SHOC1: variants seen among roughly 807,000 people sequenced by gnomAD.
The protein encoded by SHOC1 is shortage in chiasmata 1.
In SHOC1, 136 loss-of-function variants were observed where a neutral mutation model predicts 179.2. The ratio of observed to expected loss-of-function variants is 0.76; its 90% CI spans 0.66 to 0.87. SHOC1 has a LOEUF of 0.87. SHOC1 is among the 40% of genes least tolerant of loss of function. The pLI, the probability that SHOC1 is intolerant of heterozygous loss-of-function variation, is 0.00. For missense variants in SHOC1, 1,538 were observed against 1,700.8 expected (o/e 0.90, Z 1.68); for synonymous variants, 489 against 586.6 (o/e 0.83, Z 2.41).
At chr9:111,778,942 T>C (rs1447276312) in intron 4 of SHOC1, among the ~76,000 whole-genome samples, 1 of 151,454 alleles carries the variant, frequency 6.6e-6, no homozygotes, top group Admixed American at 6.6e-5. Flanking sequence ...CTACTAAAAA[T>C]ACAAAAATTA....
At chr9:111,757,850 T>C (rs759375018) in intron 7 of SHOC1, among the ~76,000 whole-genome samples, 125 of 152,240 alleles carry the variant, frequency 8.2e-4, no homozygotes, top group Non-Finnish European at 1.4e-3. Context: ...GACCAATTTA[T>C]CAGAATATAT....
At chr9:111,768,879 A>G (rs964530007) in intron 5 of SHOC1, among the ~76,000 whole-genome samples, 3 of 122,204 alleles carry the variant, frequency 2.5e-5, no homozygotes, top group African/African-American at 5.1e-5. Flanking sequence ...CCCATTCAGT[A>G]TGAAGTTAAC....
chr9:111,721,551 G>T (rs1228484833), intron 15 of SHOC1, among the ~76,000 whole-genome samples: 3 of 152,122 alleles, frequency 2.0e-5, no homozygotes, highest in Non-Finnish European at 2.9e-5. Context: ...TGTTGGCTAG[G>T]CTGGTCTCGA....
chr9:111,776,843 C>T (rs1003852250), intron 4 of SHOC1, among the ~76,000 whole-genome samples: 4 of 152,180 alleles, frequency 2.6e-5, no homozygotes, highest in Non-Finnish European at 5.9e-5. Flanking sequence ...AACCGCCCAA[C>T]GGGTTCACCT....
At chr9:111,785,483 T>C (rs1377958731) in intron 3 of SHOC1, among the ~76,000 whole-genome samples, 2 of 152,198 alleles carry the variant, frequency 1.3e-5, no homozygotes, top group South Asian at 2.1e-4. Context: ...GTTAACCGAC[T>C]TGACTCCTCC....
At chr9:111,687,234 C>T (rs1262361069) in intron 27 of SHOC1, among the ~76,000 whole-genome samples, 1 of 152,178 alleles carries the variant, frequency 6.6e-6, no homozygotes, top group Admixed American at 6.6e-5. Flanking sequence ...AGGCATGAGC[C>T]ACCATGCCCG....
chr9:111,721,442 C>T (rs1589406368), intron 15 of SHOC1, among the ~76,000 whole-genome samples: 1 of 152,158 alleles, frequency 6.6e-6, no homozygotes, highest in East Asian at 1.9e-4. Flanking sequence ...CAGGTTCAAG[C>T]GATTCTCCTG....
Position 111,692,411 on chromosome 9 carries a change from G to A in SHOC1, c.3566C>T (p.Thr1189Ile). The change falls in exon 27 of 28, where the codon ACC becomes ATC. Residue 1189 changes from threonine (T) to isoleucine (I), a missense_variant. Coordinates refer to ENST00000682961, the MANE Select transcript of SHOC1 (RefSeq NM_001378211.1). The stretch of plus-strand genomic sequence containing the variant: ...AGAAGCTGAACTTTGAGAAGACAAG[G>A]TACTAATCTGATTCCTATTTTCCTG... ...SPQENRNQIS[T>I]LSSQSSASDL... The A allele has an allele frequency of 6.2e-7, 1 of 1,613,274 alleles. No individual in the cohort carries two copies. The highest frequency in any genetic ancestry group is 8.5e-7 in the Non-Finnish European group (1 of 1,179,704).
chr9:111,761,835 T>C (rs1361733075), intron 5 of SHOC1, among the ~76,000 whole-genome samples: 1 of 152,156 alleles, frequency 6.6e-6, no homozygotes, highest in Non-Finnish European at 1.5e-5. Flanking sequence ...ATTTTAAAGA[T>C]GTAAGTAAAA....
chr9:111,757,353 C>T (rs1240590166), intron 7 of SHOC1, among the ~76,000 whole-genome samples: 3 of 152,144 alleles, frequency 2.0e-5, no homozygotes, highest in African/African-American at 7.2e-5. Flanking sequence ...CTGCCCACCT[C>T]GGCCTCCCAA....
At chr9:111,748,492 C>T (rs1278977032) in intron 8 of SHOC1, among the ~76,000 whole-genome samples, 1 of 152,166 alleles carries the variant, frequency 6.6e-6, no homozygotes, top group Non-Finnish European at 1.5e-5. Context: ...GTGGGCAATC[C>T]ATAAGCCACA....
chr9:111,774,271 A>T (rs922376309), intron 5 of SHOC1, among the ~76,000 whole-genome samples: 3 of 152,294 alleles, frequency 2.0e-5, no homozygotes, highest in African/African-American at 4.8e-5. Context: ...AACAAAATTT[A>T]AAAATCTTAA....
At chr9:111,750,857 A>G (rs555454410) in intron 8 of SHOC1, among the ~76,000 whole-genome samples, 1 of 152,002 alleles carries the variant, frequency 6.6e-6, no homozygotes, top group Non-Finnish European at 1.5e-5. Flanking sequence ...ATTAGATCCC[A>G]TTTGTCAATT....
intron 11 of SHOC1, among the ~76,000 whole-genome samples, chr9:111,739,319 C>T (rs1833935285): frequency 6.6e-6 from 1 of 151,990 alleles, no homozygotes; most frequent in Non-Finnish European, 1.5e-5. Flanking sequence ...AACTGACATG[C>T]AATAAACTAC....
At chr9:111,791,768 A>C (rs1233670252) in intron 1 of SHOC1, among the ~76,000 whole-genome samples, 1 of 150,870 alleles carries the variant, frequency 6.6e-6, no homozygotes, top group Non-Finnish European at 1.5e-5. Flanking sequence ...ATATTTCTCA[A>C]GTGGTCTTGA....
chr9:111,763,127 T>TA (rs1031395814), intron 5 of SHOC1, among the ~76,000 whole-genome samples: 8 of 151,586 alleles, frequency 5.3e-5, no homozygotes, highest in African/African-American at 1.9e-4. Flanking sequence ...CTGAAGAAAA[T>TA]AAAAAATATA....
Position 111,777,269 on chromosome 9 carries a change from G to A in SHOC1, c.258-1294C>T, listed in dbSNP as rs10981069. ...GTTCAGACTCTTGCAGCCAGAGGCC[G>A]CATGACTCCTAAACCAAAATTTCTA... is the stretch of plus-strand genomic sequence containing the variant. On this transcript the variant is annotated intron_variant, in intron 4 of 27. Transcript: ENST00000682961. 6.4e-4 allele frequency among the ~76,000 whole-genome samples: 97 copies of A among 152,280 alleles called. 1 individual carries two copies. In the East Asian group the frequency reaches 0.017, roughly 27 times the overall value.
intron 18 of SHOC1, among the ~76,000 whole-genome samples, chr9:111,709,107 G>A (rs979288243): frequency 1.3e-5 from 2 of 152,226 alleles, no homozygotes; most frequent in African/African-American, 2.4e-5. Flanking sequence ...TTGGGAGGCA[G>A]AGATGGGTGG....
At position 111,714,534 on chromosome 9, in the gene SHOC1, T is replaced by C. The variant is rs1298588351; in HGVS notation, c.2326A>G (p.Ile776Val). 1.2e-6 allele frequency: 2 copies of C among 1,613,986 alleles called. No individual in the cohort carries two copies. Among genetic ancestry groups the C allele is most frequent in the Non-Finnish European group, 1.7e-6 (2 of 1,179,950 alleles). Residue 776 changes from isoleucine (I) to valine (V), a missense_variant, in exon 17 of 28, where the codon ATT becomes GTT. Transcript: ENST00000682961. ...IWRQLEIVQF[I>V]RGKKPETNYK... is the part of the protein sequence containing the mutation. Reference sequence around the variant, plus strand: ...TTGGTTTCAGGCTTTTTCCCCCTAATAAACTGTACAATCTCCAGCTGTCTC... The same window carrying C: ...TTGGTTTCAGGCTTTTTCCCCCTAACAAACTGTACAATCTCCAGCTGTCTC...
Sources: allele counts gnomAD v4.1 joint callset (sites outside exome capture counted in the v4.1 genomes callset), GRCh38; gene constraint gnomAD v4.1.1; transcripts MANE v1.5; gene names NCBI Gene and HGNC (gene_info 2026-07-23, HGNC 2026-07-21).